Variants in CA10 observed in about 807,000 individuals in gnomAD.
CA10 encodes carbonic anhydrase-related protein 10.
CA10 carries 14 observed loss-of-function variants against 44.2 expected under a neutral mutation model. The ratio of observed to expected loss-of-function variants is 0.32; its 90% CI spans 0.21 to 0.50. The LOEUF is 0.50. Ranked by LOEUF, CA10 falls within the 20% of genes least tolerant of loss-of-function variation. CA10 has a pLI of 0.99. For missense variants in CA10, 350 were observed against 409.7 expected (o/e 0.85, Z 1.26); for synonymous variants, 159 against 141.6 (o/e 1.12, Z -0.87).
intron 3 of CA10, among the ~76,000 whole-genome samples, chr17:51,840,450 G>C (rs935592386): frequency 2.0e-5 from 3 of 150,306 alleles, no homozygotes; most frequent in Non-Finnish European, 4.4e-5. Context: ...TAATGTACTT[G>C]AACTCTGAAC....
At chr17:52,056,369 T>C (rs1403926166) in intron 2 of CA10, among the ~76,000 whole-genome samples, 1 of 151,964 alleles carries the variant, frequency 6.6e-6, no homozygotes, top group Non-Finnish European at 1.5e-5. Context: ...TAAGAAGTCA[T>C]GAAGCGGGTT....
At chr17:52,015,968 G>A (rs1985956015) in intron 2 of CA10, among the ~76,000 whole-genome samples, 1 of 152,110 alleles carries the variant, frequency 6.6e-6, no homozygotes, top group African/African-American at 2.4e-5. Flanking sequence ...GTTTCCAGGT[G>A]AGTGGAAGTA....
At chr17:51,981,473 A>T (rs146186851) in intron 2 of CA10, among the ~76,000 whole-genome samples, 16 of 152,142 alleles carry the variant, frequency 1.1e-4, no homozygotes, top group African/African-American at 3.4e-4. Flanking sequence ...GATAGGTAGA[A>T]CTGACCTATG....
intron 3 of CA10, among the ~76,000 whole-genome samples, chr17:51,835,841 T>C (rs1053712952): frequency 3.3e-5 from 5 of 152,030 alleles, no homozygotes; most frequent in African/African-American, 1.2e-4. Context: ...AAGAGTGTAA[T>C]AGACAAAATG....
Position 51,747,813 on chromosome 17 carries a change from A to C in CA10, c.285T>G (p.Ser95Arg). Reference sequence around the variant, plus strand: ...GTCTTCCAGTGTTGTACATGGTCCCACTGACCTGCAAGGCAATTAGCAACA... The same window carrying C: ...GTCTTCCAGTGTTGTACATGGTCCCCCTGACCTGCAAGGCAATTAGCAACA... ...LRINTGGRKVSGTMYNTGRHV... is the reference protein window; with the variant it reads ...LRINTGGRKVRGTMYNTGRHV... Residue 95 changes from serine (S) to arginine (R), a missense_variant, in exon 4 of 9, where the codon AGT becomes AGG. Transcript: ENST00000451037. The C allele has an allele frequency of 1.9e-6, 3 of 1,608,844 alleles. No homozygotes were observed. Among genetic ancestry groups the C allele is most frequent in the Non-Finnish European group, 2.5e-6 (3 of 1,177,598 alleles).
intron 2 of CA10, among the ~76,000 whole-genome samples, chr17:52,047,736 C>T (rs1488246009): frequency 1.3e-5 from 2 of 151,824 alleles, no homozygotes; most frequent in African/African-American, 4.8e-5. Context: ...TTTAATAATA[C>T]TGTATATGTG....
chr17:51,813,911 G>A (rs1209423350), intron 3 of CA10, among the ~76,000 whole-genome samples: 1 of 152,218 alleles, frequency 6.6e-6, no homozygotes, highest in Non-Finnish European at 1.5e-5. Flanking sequence ...TTTCTTCAAT[G>A]TTTCCAAGCT....
intron 3 of CA10, among the ~76,000 whole-genome samples, chr17:51,917,941 T>C (rs1428023054): frequency 6.6e-6 from 1 of 152,178 alleles, no homozygotes; most frequent in Non-Finnish European, 1.5e-5. Flanking sequence ...CCTGGCAGCT[T>C]TCACGTGAGA....
At chr17:52,142,586 A>AAT (rs1038401958) in intron 1 of CA10, among the ~76,000 whole-genome samples, 4 of 152,092 alleles carry the variant, frequency 2.6e-5, no homozygotes, top group African/African-American at 7.2e-5. Flanking sequence ...TGGTAAGTTT[A>AAT]ATATATATAT....
At chr17:51,756,064 ATTT>A in intron 3 of CA10, among the ~76,000 whole-genome samples, 1 of 148,394 alleles carries the variant, frequency 6.7e-6, no homozygotes, top group African/African-American at 2.5e-5. Context: ...TCTTCAGCAG[ATTT>A]TTTTTTTTTT....
chr17:51,771,859 A>G (rs993528165), intron 3 of CA10, among the ~76,000 whole-genome samples: 1 of 152,206 alleles, frequency 6.6e-6, no homozygotes, highest in Non-Finnish European at 1.5e-5. Context: ...TTTTACAGAG[A>G]GTGTTCACAC....
chr17:52,117,153 C>T (rs1437791679), intron 1 of CA10, among the ~76,000 whole-genome samples: 2 of 152,116 alleles, frequency 1.3e-5, no homozygotes, highest in African/African-American at 4.8e-5. Flanking sequence ...AAGGGTTTTC[C>T]TCAGTTGACT....
chr17:52,065,677 C>T (rs928064994), intron 2 of CA10, among the ~76,000 whole-genome samples: 4 of 152,150 alleles, frequency 2.6e-5, no homozygotes, highest in Admixed American at 2.6e-4. Context: ...AGGTAAAATC[C>T]AAACTCCCAG....
chr17:52,021,958 C>A (rs1270257817), intron 2 of CA10, among the ~76,000 whole-genome samples: 1 of 151,978 alleles, frequency 6.6e-6, no homozygotes, highest in Non-Finnish European at 1.5e-5. Context: ...GGATTCACAG[C>A]CAAATTCTAC....
chr17:51,905,822 C>T (rs563129023), intron 3 of CA10, among the ~76,000 whole-genome samples: 13 of 152,176 alleles, frequency 8.5e-5, no homozygotes, highest in Admixed American at 7.2e-4. Flanking sequence ...TTCCAATTCC[C>T]GCTCCTCACT....
chr17:52,093,854 T>TA (rs1479449774), intron 1 of CA10, among the ~76,000 whole-genome samples: 1 of 152,182 alleles, frequency 6.6e-6, no homozygotes, highest in East Asian at 1.9e-4. Context: ...AGGTAGTTTT[T>TA]ACCTTATTTA....
chr17:51,856,702 T>C (rs1219006561), intron 3 of CA10, among the ~76,000 whole-genome samples: 1 of 152,122 alleles, frequency 6.6e-6, no homozygotes, highest in Non-Finnish European at 1.5e-5. Flanking sequence ...AGCTTCAAGA[T>C]CCCTTTACTA....
At chr17:51,906,909 T>C (rs911937041) in intron 3 of CA10, among the ~76,000 whole-genome samples, 2 of 152,188 alleles carry the variant, frequency 1.3e-5, no homozygotes, top group Non-Finnish European at 2.9e-5. Context: ...ATCAACCATG[T>C]CTTATGTCTC....
chr17:52,007,523 T>C (rs1985641417), intron 2 of CA10, among the ~76,000 whole-genome samples: 1 of 151,610 alleles, frequency 6.6e-6, no homozygotes, highest in Admixed American at 6.6e-5. Flanking sequence ...TGTACAGAAT[T>C]ATACTGAGAG....
Sources: allele counts gnomAD v4.1 joint callset (sites outside exome capture counted in the v4.1 genomes callset), GRCh38; gene constraint gnomAD v4.1.1; transcripts MANE v1.5; gene names NCBI Gene and HGNC (gene_info 2026-07-23, HGNC 2026-07-21).